Variants in NFKB1 observed in about 807,000 individuals in gnomAD.
NFKB1 encodes the protein nuclear factor NF-kappa-B p105 subunit.
In NFKB1, 9 loss-of-function variants were observed where a neutral mutation model predicts 105.1. The ratio of observed to expected loss-of-function variants is 0.09; its 90% confidence interval spans 0.05 to 0.15. The LOEUF is 0.15. Ranked by LOEUF, NFKB1 falls within the 10% of genes least tolerant of loss-of-function variation. The pLI is 1.00. For synonymous variants in NFKB1, 440 were observed against 442.2 expected (o/e 1.00, Z 0.06); for missense variants, 830 against 1,203.7 (o/e 0.69, Z 4.59).
chr4:102,597,765 G>A (rs1168297578), intron 15 of NFKB1, 104 bp downstream of exon 15: 1 of 1,325,306 alleles, frequency 7.5e-7, no homozygotes, highest in Non-Finnish European at 1.0e-6. Flanking sequence ...CAAATATATT[G>A]AGTCCTCTAA....
chr4:102,586,437 CA>C (rs1260309636), intron 11 of NFKB1, among the ~76,000 whole-genome samples: 1 of 151,986 alleles, frequency 6.6e-6, no homozygotes, highest in Non-Finnish European at 1.5e-5. Context: ...TCTTAGTAGG[CA>C]GATCAAAAGG....
At chr4:102,554,993 C>T (rs1296107393) in intron 5 of NFKB1, among the ~76,000 whole-genome samples, 1 of 152,134 alleles carries the variant, frequency 6.6e-6, no homozygotes, top group African/African-American at 2.4e-5. Context: ...TAAGGGAGTA[C>T]AAGGGCTTCA....
intron 5 of NFKB1, among the ~76,000 whole-genome samples, chr4:102,542,426 A>G (rs1742058849): frequency 6.6e-6 from 1 of 152,196 alleles, no homozygotes. Flanking sequence ...TTAAAAATTG[A>G]CATAACAGAC....
chr4:102,533,731 T>C (rs1004236878), intron 3 of NFKB1, 114 bp from the exon 4 acceptor site: 1 of 863,368 alleles, frequency 1.2e-6, no homozygotes, highest in Middle Eastern at 3.4e-4. Context: ...AAAAATTGAT[T>C]TGAAATTTCT....
intron 6 of NFKB1, among the ~76,000 whole-genome samples, chr4:102,570,010 A>G (rs974958427): frequency 1.3e-5 from 2 of 152,108 alleles, no homozygotes; most frequent in Non-Finnish European, 2.9e-5. Flanking sequence ...AATTTGTTTC[A>G]ACATATTTTA....
chr4:102,570,702 G>C (rs1198497770), intron 6 of NFKB1, among the ~76,000 whole-genome samples: 5 of 152,090 alleles, frequency 3.3e-5, no homozygotes, highest in Admixed American at 2.6e-4. Context: ...GACAAACAGA[G>C]AGCAAAATCA....
At chr4:102,508,200 C>A (rs1188716746) in intron 1 of NFKB1, among the ~76,000 whole-genome samples, 1 of 152,094 alleles carries the variant, frequency 6.6e-6, no homozygotes, top group Non-Finnish European at 1.5e-5. Context: ...TGATCTATAA[C>A]CTTCAGTGTC....
At position 102,529,749 on chromosome 4, in the gene NFKB1, T is replaced by G; in HGVS notation, c.40-87T>G. On this transcript the variant is annotated intron_variant, in intron 2 of 23. Transcript: ENST00000226574. ...TTTTTGGCTTTAGTTTCATTCCTAT[T>G]ATTACATTTTAGGTGTCCCAACTTC... The G allele has an allele frequency of 7.6e-6, 7 of 917,314 alleles. No individual in the cohort carries two copies. The South Asian group carries it at 1.1e-4, about 14-fold the overall frequency. 56.8% of individuals were successfully genotyped at this position (917,314 alleles called of 1,614,324 possible). A position where few individuals can be genotyped will look rare whatever the true frequency, so the allele number is the denominator to read the frequency against.
chr4:102,567,838 C>T (rs1023990207), intron 6 of NFKB1, among the ~76,000 whole-genome samples: 1 of 152,160 alleles, frequency 6.6e-6, no homozygotes, highest in African/African-American at 2.4e-5. Context: ...CTTGTATTTT[C>T]ATCTTCCTAA....
intron 1 of NFKB1, among the ~76,000 whole-genome samples, chr4:102,507,050 T>C (rs1739463749): frequency 6.8e-6 from 1 of 147,116 alleles, no homozygotes; most frequent in Middle Eastern, 3.3e-3. Flanking sequence ...ATTTAATATA[T>C]ATTAGTTACA....
chr4:102,508,025 T>A (rs1006389761), intron 1 of NFKB1, among the ~76,000 whole-genome samples: 9 of 152,218 alleles, frequency 5.9e-5, no homozygotes, highest in African/African-American at 2.2e-4. Flanking sequence ...ATGTCTTCCA[T>A]GACAAGAATT....
intron 2 of NFKB1, among the ~76,000 whole-genome samples, chr4:102,527,282 C>T (rs1740983536): frequency 6.6e-6 from 1 of 152,138 alleles, no homozygotes; most frequent in African/African-American, 2.4e-5. Context: ...CTAGGTGCTA[C>T]CTTGGAGGAA....
intron 1 of NFKB1, among the ~76,000 whole-genome samples, chr4:102,520,900 C>CAGGA (rs1199472496): frequency 6.6e-6 from 1 of 152,050 alleles, no homozygotes; most frequent in African/African-American, 2.4e-5. Context: ...ACCTTAAATT[C>CAGGA]AGGAGAGATT....
chr4:102,610,050 GGTTT>G (rs1728249752), intron 19 of NFKB1, among the ~76,000 whole-genome samples: 1 of 152,166 alleles, frequency 6.6e-6, no homozygotes, highest in Non-Finnish European at 1.5e-5. Flanking sequence ...CATCCTAGTA[GGTTT>G]GTTTATTTAA....
chr4:102,579,150 T>G, intron 8 of NFKB1, 111 bp downstream of exon 8: 1 of 1,031,690 alleles, frequency 9.7e-7, no homozygotes, highest in Non-Finnish European at 1.4e-6. Flanking sequence ...ACTTTAAGCC[T>G]CAGCTTTATC....
chr4:102,599,785 A>G (rs894768623), intron 15 of NFKB1, among the ~76,000 whole-genome samples: 4 of 152,242 alleles, frequency 2.6e-5, no homozygotes, highest in Non-Finnish European at 5.9e-5. Context: ...TTGTTATAGT[A>G]AAAAGACAAT....
At chr4:102,568,471 T>C (rs1724057816) in intron 6 of NFKB1, among the ~76,000 whole-genome samples, 1 of 152,178 alleles carries the variant, frequency 6.6e-6, no homozygotes, top group Non-Finnish European at 1.5e-5. Context: ...AGGAGAGCTT[T>C]GAAATGCAGG....
At chr4:102,607,553 A>T in intron 18 of NFKB1, 96 bp from the exon 19 acceptor site, 1 of 1,308,708 alleles carries the variant, frequency 7.6e-7, no homozygotes, top group Non-Finnish European at 1.1e-6. Flanking sequence ...CAATTGGGCT[A>T]GTAATAGGAC....
chr4:102,509,438 G>A (rs1024436832), intron 1 of NFKB1, among the ~76,000 whole-genome samples: 2 of 152,100 alleles, frequency 1.3e-5, no homozygotes, highest in African/African-American at 4.8e-5. Flanking sequence ...TGCTTAGAGA[G>A]GTAGTTCAAT....
Sources: gnomAD v4.1 joint callset for allele counts (sites outside exome capture counted in the v4.1 genomes callset) on GRCh38, gnomAD v4.1.1 for gene constraint, MANE v1.5 for transcripts, NCBI Gene and HGNC (gene_info 2026-07-23, HGNC 2026-07-21) for gene names.